CTXND1: variants seen among roughly 807,000 people sequenced by gnomAD.
The protein encoded by CTXND1 is cortexin domain-containing 1 protein.
intron 1 of CTXND1, among the ~76,000 whole-genome samples, chr15:80,211,612 GA>G (rs1331968510): frequency 6.6e-6 from 1 of 152,068 alleles, no homozygotes; most frequent in Non-Finnish European, 1.5e-5. Flanking sequence ...CGGGGGAGAG[GA>G]TGGGATTAAT....
In CTXND1 at chr15:80,201,014, G is replaced by T. The variant is rs1749704630; in HGVS notation, c.*756C>A. On this transcript the variant is annotated 3_prime_UTR_variant, in exon 3 of 3. Transcript: ENST00000560778. ...CGATACAACATCATGCACAGAGTAT[G>T]AATTTGACTAAAAAATACAAGTAAA... 1 of 152,108 alleles carries T rather than the reference G, an allele frequency of 6.6e-6. No individual in the cohort carries two copies. The highest frequency in any genetic ancestry group is 1.5e-5 in the Non-Finnish European group (1 of 68,038). 9.4% of individuals were successfully genotyped at this position (152,108 alleles called of 1,614,324 possible).
Position 80,198,554 on chromosome 15 carries a change from A to T in CTXND1, c.*3216T>A, listed in dbSNP as rs988149476. On this transcript the variant is annotated 3_prime_UTR_variant, in exon 3 of 3. Transcript: ENST00000560778. ...TGAGACGCTCTGATCACAAAGGACC[A>T]TCTCCTCTATGCTTCAGCAGCATAA... 10 of 152,206 alleles carry T rather than the reference A, an allele frequency of 6.6e-5. No homozygotes were observed. The highest frequency in any genetic ancestry group is 1.7e-4 in the African/African-American group (7 of 41,452). The allele number at this position is 152,206 out of a possible 1,614,324, so 9.4% of individuals were successfully genotyped here.
intron 1 of CTXND1, among the ~76,000 whole-genome samples, chr15:80,205,590 T>G (rs1893139390): frequency 6.6e-6 from 1 of 152,200 alleles, no homozygotes. Context: ...ATTTGTCTCA[T>G]CTGAGTTTTT....
intron 1 of CTXND1, among the ~76,000 whole-genome samples, chr15:80,246,423 T>C (rs2866596): frequency 0.53 from 81,218 of 152,094 alleles, 22,142 homozygotes; most frequent in African/African-American, 0.63. Context: ...TTTTCCTGGG[T>C]TGGTACGATG....
At chr15:80,241,037 T>C (rs1893559693) in intron 1 of CTXND1, among the ~76,000 whole-genome samples, 1 of 152,234 alleles carries the variant, frequency 6.6e-6, no homozygotes, top group African/African-American at 2.4e-5. Context: ...AACTGGCATG[T>C]GATACACATT....
At chr15:80,216,350 G>A (rs1471413095) in intron 1 of CTXND1, among the ~76,000 whole-genome samples, 3 of 152,088 alleles carry the variant, frequency 2.0e-5, no homozygotes, top group South Asian at 2.1e-4. Context: ...ACTGACATAC[G>A]CTCAAAGTTT....
intron 1 of CTXND1, among the ~76,000 whole-genome samples, chr15:80,229,478 T>C (rs1893406068): frequency 6.6e-6 from 1 of 152,164 alleles, no homozygotes; most frequent in Admixed American, 6.5e-5. Flanking sequence ...CCAGGCAAAC[T>C]ATGGTCAGGT....
At chr15:80,215,087 C>A (rs1026467748) in intron 1 of CTXND1, among the ~76,000 whole-genome samples, 2 of 152,112 alleles carry the variant, frequency 1.3e-5, no homozygotes, top group African/African-American at 2.4e-5. Context: ...ATAGAAAACC[C>A]AAATTAAACA....
intron 1 of CTXND1, among the ~76,000 whole-genome samples, chr15:80,222,935 A>G (rs1017344526): frequency 1.3e-5 from 2 of 152,190 alleles, no homozygotes; most frequent in African/African-American, 2.4e-5. Context: ...TGTCCCCTAG[A>G]AGAAACCACT....
rs1223824226 is a variant in CTXND1 at position 80,197,713 on chromosome 15, G to A, written c.*4057C>T. 6.6e-6 allele frequency: 1 copy of A among 152,318 alleles called. No homozygotes were observed. Among genetic ancestry groups the A allele is most frequent in the Non-Finnish European group, 1.5e-5 (1 of 68,118 alleles). The allele number at this position is 152,318 out of a possible 1,614,324, so 9.4% of individuals were successfully genotyped here. ...CAGGCTGGGCCACAGGACATTGTGGGTGGTCATTGATCATGCCTGGCAGAA... is the reference window on the plus strand; with the variant it reads ...CAGGCTGGGCCACAGGACATTGTGGATGGTCATTGATCATGCCTGGCAGAA... On this transcript the variant is annotated 3_prime_UTR_variant, in exon 3 of 3. Coordinates refer to ENST00000560778, the MANE Select transcript of CTXND1 (RefSeq NM_001352888.2).
chr15:80,220,755 T>C (rs140637329), intron 1 of CTXND1, among the ~76,000 whole-genome samples: 31 of 152,224 alleles, frequency 2.0e-4, no homozygotes, highest in African/African-American at 6.7e-4. Context: ...TGTTTGTTTA[T>C]TTCTAGGTAT....
At chr15:80,237,313 C>T (rs1339243387) in intron 1 of CTXND1, among the ~76,000 whole-genome samples, 2 of 134,386 alleles carry the variant, frequency 1.5e-5, no homozygotes, top group African/African-American at 2.9e-5. Flanking sequence ...CCAACCTGGG[C>T]GACAGAGCGA....
intron 1 of CTXND1, among the ~76,000 whole-genome samples, chr15:80,224,810 C>A (rs1893355561): frequency 6.6e-6 from 1 of 152,220 alleles, no homozygotes; most frequent in African/African-American, 2.4e-5. Context: ...GTGGCTTGAT[C>A]TTAGCTCACT....
intron 1 of CTXND1, among the ~76,000 whole-genome samples, chr15:80,235,005 C>T (rs1893477609): frequency 6.6e-6 from 1 of 152,128 alleles, no homozygotes; most frequent in South Asian, 2.1e-4. Flanking sequence ...TGACTCTGCC[C>T]CCCTGGTGGC....
At chr15:80,238,008 C>CAAA (rs57718635) in intron 1 of CTXND1, among the ~76,000 whole-genome samples, 7,018 of 75,872 alleles carry the variant, frequency 0.092, 540 homozygotes, top group Middle Eastern at 0.14. Context: ...GACTCCATCT[C>CAAA]AAAAAAAAAA....
rs1483530292 is a variant in CTXND1 at position 80,200,534 on chromosome 15, A to G, written c.*1236T>C. ...GAGGGAGGGCCTGAGAAGAGCCATC[A>G]TCGATGACTTCTTCCTTGCCCCCCA... On this transcript the variant is annotated 3_prime_UTR_variant, in exon 3 of 3. Coordinates refer to ENST00000560778, the MANE Select transcript of CTXND1 (RefSeq NM_001352888.2). 2 of 152,268 alleles carry G rather than the reference A, an allele frequency of 1.3e-5. No homozygotes were observed. The highest frequency in any genetic ancestry group is 2.4e-5 in the African/African-American group (1 of 41,436). 9.4% of individuals were successfully genotyped at this position (152,268 alleles called of 1,614,324 possible). A position where few individuals can be genotyped will look rare whatever the true frequency, so the allele number is the denominator to read the frequency against.
At position 80,200,261 on chromosome 15, in the gene CTXND1, T is replaced by C. The variant is rs2041441851; in HGVS notation, c.*1509A>G. 1 of 152,210 alleles carries C rather than the reference T, an allele frequency of 6.6e-6. No homozygotes were observed. The highest frequency in any genetic ancestry group is 2.4e-5 in the African/African-American group (1 of 41,418). 9.4% of individuals were successfully genotyped at this position (152,210 alleles called of 1,614,324 possible). A position where few individuals can be genotyped will look rare whatever the true frequency, so the allele number is the denominator to read the frequency against. On this transcript the variant is annotated 3_prime_UTR_variant, in exon 3 of 3. Transcript: ENST00000560778. ...GGGGTGGTGAATTCAAGAACATTCA[T>C]GTTTGCCCATGTTCTCTCATTTCGT...
At chr15:80,209,530 CA>C (rs1893183085) in intron 1 of CTXND1, among the ~76,000 whole-genome samples, 1 of 152,216 alleles carries the variant, frequency 6.6e-6, no homozygotes, top group Non-Finnish European at 1.5e-5. Flanking sequence ...GAGTGACCCT[CA>C]AAGAAAGTGG....
chr15:80,224,946 G>A (rs753329138), intron 1 of CTXND1, among the ~76,000 whole-genome samples: 2 of 152,242 alleles, frequency 1.3e-5, no homozygotes, highest in African/African-American at 2.4e-5. Flanking sequence ...GTTTCGCCAT[G>A]TTGGCCAGGC....
Sources: allele counts gnomAD v4.1 joint callset (sites outside exome capture counted in the v4.1 genomes callset), GRCh38; gene constraint gnomAD v4.1.1; transcripts MANE v1.5; gene names NCBI Gene and HGNC (gene_info 2026-07-23, HGNC 2026-07-21).